NALF1: variants seen among roughly 807,000 people sequenced by gnomAD.
NALF1 encodes the protein family with sequence similarity 155 member A.
NALF1 carries 3 observed loss-of-function variants against 48.4 expected under a neutral mutation model. That is an observed-to-expected ratio of 0.06 (90% CI 0.03 to 0.16). NALF1 has a LOEUF of 0.16. Among genes scored for constraint, NALF1 ranks in the 10% least tolerant of loss-of-function variants. The probability of loss-of-function intolerance (pLI) is 1.00; values close to 1 mark genes in which losing one functional copy is unlikely to be tolerated. For missense variants in NALF1, 526 were observed against 571.5 expected (o/e 0.92, Z 0.81); for synonymous variants, 262 against 245.7 (o/e 1.07, Z -0.62).
chr13:107,658,299 CA>C (rs1880637414), intron 1 of NALF1, among the ~76,000 whole-genome samples: 1 of 152,104 alleles, frequency 6.6e-6, no homozygotes, highest in Non-Finnish European at 1.5e-5. Context: ...TCTCTTGCAA[CA>C]TTCATTTGCT....
rs1878739275 is a variant in NALF1, at chr13:107,169,260, T to A, written c.*1237A>T. 1 of 152,240 alleles carries A rather than the reference T, an allele frequency of 6.6e-6. No homozygotes were observed. Among genetic ancestry groups the A allele is most frequent in the African/African-American group, 2.4e-5 (1 of 41,456 alleles). 9.4% of individuals were successfully genotyped at this position (152,240 alleles called of 1,614,324 possible). On this transcript the variant is annotated 3_prime_UTR_variant, in exon 3 of 3. Coordinates refer to ENST00000375915, the MANE Select transcript of NALF1 (RefSeq NM_001080396.3). ...TTGTTCCTCTGTGATAATGCAGAAT[T>A]GCATACACTGTATACCTGGAATAAT...
chr13:107,295,433 T>G (rs1881707076), intron 1 of NALF1, among the ~76,000 whole-genome samples: 2 of 152,230 alleles, frequency 1.3e-5, no homozygotes, highest in South Asian at 4.1e-4. Context: ...CTATTGTGAA[T>G]AGTATGCAGT....
intron 1 of NALF1, among the ~76,000 whole-genome samples, chr13:107,215,241 G>A (rs1309251861): frequency 3.3e-5 from 5 of 152,154 alleles, no homozygotes; most frequent in African/African-American, 1.2e-4. Context: ...TATTCATTCC[G>A]AACATATCCT....
intron 1 of NALF1, among the ~76,000 whole-genome samples, chr13:107,653,854 C>T (rs759804438): frequency 6.6e-6 from 1 of 151,978 alleles, no homozygotes; most frequent in African/African-American, 2.4e-5. Context: ...TCCTATCTAA[C>T]AAAGGTAAGG....
At chr13:107,837,503 C>G (rs4601904) in intron 1 of NALF1, among the ~76,000 whole-genome samples, 7,570 of 152,168 alleles carry the variant, frequency 0.05, 504 homozygotes, top group African/African-American at 0.15. Flanking sequence ...ATTTTCCTTA[C>G]GCATCTACCT....
At chr13:107,614,153 T>C (rs182513230) in intron 1 of NALF1, among the ~76,000 whole-genome samples, 1 of 152,286 alleles carries the variant, frequency 6.6e-6, no homozygotes, top group East Asian at 1.9e-4. Context: ...ATGAGACCTT[T>C]TGTCAGAGAA....
In NALF1 at chr13:107,598,011, T is replaced by C. The variant is rs531267646; in HGVS notation, c.915+267671A>G. Among the ~76,000 whole-genome samples, 6 of 152,290 alleles carry C rather than the reference T, an allele frequency of 3.9e-5. No individual in the cohort carries two copies. The South Asian group carries it at 6.2e-4, about 16-fold the overall frequency. ...TGTTACAGTGACAATTACAAGACTA[T>C]AACTTGGCAATCAAATTAAACTAAA... On this transcript the variant is annotated intron_variant, in intron 1 of 2. Coordinates refer to ENST00000375915, the MANE Select transcript of NALF1 (RefSeq NM_001080396.3).
intron 1 of NALF1, among the ~76,000 whole-genome samples, chr13:107,731,271 G>T (rs952132647): frequency 3.3e-5 from 5 of 152,034 alleles, no homozygotes; most frequent in African/African-American, 1.2e-4. Flanking sequence ...TTCACTTCAA[G>T]TTAACATGGC....
intron 1 of NALF1, among the ~76,000 whole-genome samples, chr13:107,639,852 AT>A (rs1462866820): frequency 1.3e-4 from 20 of 152,278 alleles, no homozygotes. Flanking sequence ...ATTATGAGTG[AT>A]ATTGTGCTCT....
chr13:107,371,557 T>TAAG (rs1472777296), intron 1 of NALF1, among the ~76,000 whole-genome samples: 2 of 152,344 alleles, frequency 1.3e-5, no homozygotes, highest in African/African-American at 4.8e-5. Context: ...AACTTTTTCT[T>TAAG]AAGAGTCTCC....
intron 1 of NALF1, among the ~76,000 whole-genome samples, chr13:107,754,398 C>CACACACA (rs71121553): frequency 7.2e-6 from 1 of 139,860 alleles, no homozygotes; most frequent in Non-Finnish European, 1.6e-5. Flanking sequence ...CACACACACA[C>CACACACA]CATATATGGA....
intron 1 of NALF1, among the ~76,000 whole-genome samples, chr13:107,710,828 TACAGAG>T: frequency 2.2e-5 from 1 of 44,712 alleles, no homozygotes; most frequent in East Asian, 1.5e-3. Context: ...TATATACACA[TACAGAG>T]ACACGTATAA....
intron 1 of NALF1, among the ~76,000 whole-genome samples, chr13:107,236,706 T>TATCC: frequency 6.6e-6 from 1 of 151,690 alleles, no homozygotes; most frequent in Non-Finnish European, 1.5e-5. Context: ...TCTATCTATC[T>TATCC]ATCTATCTAT....
At chr13:107,503,313 C>G (rs1875580409) in intron 1 of NALF1, among the ~76,000 whole-genome samples, 1 of 151,906 alleles carries the variant, frequency 6.6e-6, no homozygotes, top group South Asian at 2.1e-4. Context: ...CAGAAGGTAA[C>G]AAATGATCTT....
At chr13:107,348,701 A>G (rs1272738696) in intron 1 of NALF1, among the ~76,000 whole-genome samples, 1 of 152,012 alleles carries the variant, frequency 6.6e-6, no homozygotes, top group African/African-American at 2.4e-5. Flanking sequence ...AACCATTAAC[A>G]GAGTGTTTAT....
intron 1 of NALF1, among the ~76,000 whole-genome samples, chr13:107,254,055 G>C (rs912474687): frequency 3.1e-5 from 4 of 129,630 alleles, no homozygotes; most frequent in African/African-American, 9.2e-5. Context: ...AAGGGAGCAA[G>C]TACTAAAATA....
At chr13:107,185,627 T>C (rs1217063539) in intron 2 of NALF1, among the ~76,000 whole-genome samples, 3 of 152,170 alleles carry the variant, frequency 2.0e-5, no homozygotes, top group Non-Finnish European at 4.4e-5. Context: ...ATAACTCTTT[T>C]GTTTGACTAG....
At chr13:107,835,668 A>G (rs933501969) in intron 1 of NALF1, among the ~76,000 whole-genome samples, 2 of 152,200 alleles carry the variant, frequency 1.3e-5, no homozygotes, top group Non-Finnish European at 2.9e-5. Context: ...GTTAATAACC[A>G]CATTTCTGAA....
intron 2 of NALF1, among the ~76,000 whole-genome samples, chr13:107,200,499 C>T (rs1879489502): frequency 6.6e-6 from 1 of 152,096 alleles, no homozygotes; most frequent in South Asian, 2.1e-4. Context: ...ATCTCCCACA[C>T]GATGAATGCA....
Sources: allele counts gnomAD v4.1 joint callset (sites outside exome capture counted in the v4.1 genomes callset), GRCh38; gene constraint gnomAD v4.1.1; transcripts MANE v1.5; gene names NCBI Gene and HGNC (gene_info 2026-07-23, HGNC 2026-07-21).